Variants in WSB1 observed in about 807,000 individuals in gnomAD.
WSB1 encodes WD repeat and SOCS box containing 1, also known as WD repeat and SOCS box-containing protein 1.
In WSB1, 23 loss-of-function variants were observed where a neutral mutation model predicts 50.2. The ratio of observed to expected loss-of-function variants is 0.46; its 90% CI spans 0.33 to 0.65. WSB1 has a LOEUF of 0.65. WSB1 is among the 30% of genes least tolerant of loss of function. The pLI, the probability that WSB1 is intolerant of heterozygous loss-of-function variation, is 0.02. For missense variants in WSB1, 492 were observed against 522.3 expected (o/e 0.94, Z 0.56); for synonymous variants, 179 against 172.0 (o/e 1.04, Z -0.32).
Position 27,294,349 on chromosome 17 carries a change from G to C in WSB1, c.-47G>C. On this transcript the variant is annotated 5_prime_UTR_variant, in exon 1 of 9. Transcript: ENST00000262394. ...CTCAGCGGTCGCCACTCTCTTCTCT[G>C]TTGTTGGGTCCGCATCGTATTCCCG... is the stretch of plus-strand genomic sequence containing the variant. 6.2e-7 allele frequency: 1 copy of C among 1,610,688 alleles called. No homozygotes were observed. The highest frequency in any genetic ancestry group is 1.3e-5 in the African/African-American group (1 of 74,962).
At chr17:27,300,696 GT>G (rs561073047) in intron 1 of WSB1, among the ~76,000 whole-genome samples, 1,582 of 140,106 alleles carry the variant, frequency 0.011, 22 homozygotes, top group South Asian at 0.049. Context: ...GGTTTTTTTT[GT>G]TTTTTTTTTT....
rs753142513 is a variant in WSB1, at chr17:27,304,766, T to C, written c.479-14T>C. 6.2e-7 allele frequency: 1 copy of C among 1,607,996 alleles called. No individual in the cohort carries two copies. Among genetic ancestry groups the C allele is most frequent in the Non-Finnish European group, 8.5e-7 (1 of 1,177,820 alleles). On this transcript the variant is annotated splice_polypyrimidine_tract_variant and intron_variant, in intron 3 of 8. Transcript: ENST00000262394. ...TTAATACTGTCTTTTTTTTCCCTTTTCTATCATATTTAGGAAAACTCCTCC... is the reference window on the plus strand; with the variant it reads ...TTAATACTGTCTTTTTTTTCCCTTTCCTATCATATTTAGGAAAACTCCTCC...
In WSB1 at chr17:27,301,938, C is replaced by A; in HGVS notation, c.191C>A (p.Ser64Tyr). 1 of 1,587,584 alleles carries A rather than the reference C, an allele frequency of 6.3e-7. No individual in the cohort carries two copies. Among genetic ancestry groups the A allele is most frequent in the Non-Finnish European group, 8.5e-7 (1 of 1,170,460 alleles). Reference sequence around the variant, plus strand: ...CGCACAGTAAAGCTTGTTCCGTGGTCCCAGTGCCTTCAGAACTTGTAAGAC... The same window carrying A: ...CGCACAGTAAAGCTTGTTCCGTGGTACCAGTGCCTTCAGAACTTGTAAGAC... ...GHRTVKLVPW[S>Y]QCLQNFLLHG... Residue 64 changes from serine (S) to tyrosine (Y), a missense_variant, in exon 2 of 9, where the codon TCC becomes TAC. Transcript: ENST00000262394.
chr17:27,308,554 A>T (rs2017549127), intron 5 of WSB1: 1 of 985,846 alleles, frequency 1.0e-6, no homozygotes, highest in African/African-American at 1.7e-5. Flanking sequence ...AAGAAATTTC[A>T]TTTGGCTGTG....
chr17:27,301,840 G>A lies in WSB1; in HGVS notation c.93G>A (p.Lys31=). 1 of 1,614,096 alleles carries A rather than the reference G, an allele frequency of 6.2e-7. No homozygotes were observed. The highest frequency in any genetic ancestry group is 8.5e-7 in the Non-Finnish European group (1 of 1,180,016). The part of the protein sequence containing the change: ...ELLAPAAPFD[K]KCGRENWTVA... ...TAGCTCCTGCAGCTCCTTTTGACAA[G>A]AAATGTGGTCGTGAAAATTGGACTG... Residue 31 remains lysine (K), a synonymous_variant, in exon 2 of 9, where the codon AAG becomes AAA. Coordinates refer to ENST00000262394, the MANE Select transcript of WSB1 (RefSeq NM_015626.10).
At chr17:27,305,951 A>G (rs1245990400) in intron 4 of WSB1, among the ~76,000 whole-genome samples, 3 of 152,172 alleles carry the variant, frequency 2.0e-5, no homozygotes, top group Non-Finnish European at 2.9e-5. Flanking sequence ...ATTTCCAGTT[A>G]TATCCTCAGT....
rs2017813806 is a variant in WSB1 at position 27,315,545 on chromosome 17, T to TGAGGCAGTGGCA, written c.*3184_*3195dup. 6.6e-6 allele frequency: 1 copy of TGAGGCAGTGGCA among 152,192 alleles called. No homozygotes were observed. The highest frequency in any genetic ancestry group is 2.4e-5 in the African/African-American group (1 of 41,418). The allele number at this position is 152,192 out of a possible 1,614,324, so 9.4% of individuals were successfully genotyped here. A position where few individuals can be genotyped will look rare whatever the true frequency, so the allele number is the denominator to read the frequency against. On this transcript the variant is annotated 3_prime_UTR_variant, in exon 9 of 9. Coordinates refer to ENST00000262394, the MANE Select transcript of WSB1 (RefSeq NM_015626.10). ...ACTGCACTGTAGCATGCTTATGGGT[T>TGAGGCAGTGGCA]GAGGCAGTGGCAGAGGCAGAGGACT...
rs2017792193 is a variant in WSB1, at chr17:27,314,467, T to A, written c.*2098T>A. Reference sequence around the variant, plus strand: ...GGTGGGTTCCTGTACTCCTAGCTACTTAGGAGGCTGAGGCAAGAGAATTGC... The same window carrying A: ...GGTGGGTTCCTGTACTCCTAGCTACATAGGAGGCTGAGGCAAGAGAATTGC... On this transcript the variant is annotated 3_prime_UTR_variant, in exon 9 of 9. Coordinates refer to ENST00000262394, the MANE Select transcript of WSB1 (RefSeq NM_015626.10). 2 of 151,804 alleles carry A rather than the reference T, an allele frequency of 1.3e-5. No homozygotes were observed. Among genetic ancestry groups the A allele is most frequent in the Admixed American group, 6.6e-5 (1 of 15,242 alleles). 9.4% of individuals were successfully genotyped at this position (151,804 alleles called of 1,614,324 possible).
chr17:27,307,952 T>C, intron 5 of WSB1: 1 of 1,250,124 alleles, frequency 8.0e-7, no homozygotes, highest in Non-Finnish European at 1.0e-6. Flanking sequence ...TGCTTTTCTT[T>C]CTTTCTTTTT....
chr17:27,297,522 C>T (rs1197068209), intron 1 of WSB1, among the ~76,000 whole-genome samples: 2 of 151,612 alleles, frequency 1.3e-5, no homozygotes, highest in Non-Finnish European at 2.9e-5. Context: ...AGCTGGAGTG[C>T]GGTTGTGAAA....
At position 27,297,874 on chromosome 17, in the gene WSB1, G is replaced by A. The variant is rs568469534; in HGVS notation, c.40+3439G>A. On this transcript the variant is annotated intron_variant, in intron 1 of 8. Coordinates refer to ENST00000262394, the MANE Select transcript of WSB1 (RefSeq NM_015626.10). The stretch of plus-strand genomic sequence containing the variant: ...TGTAATCCCAGCACTTTGGGAGGCC[G>A]AGGTGGGCAGATCACCTGAGGTCAG... Among the ~76,000 whole-genome samples, 278 of 152,146 alleles carry A rather than the reference G, an allele frequency of 1.8e-3. 1 individual carries two copies. The highest frequency in any genetic ancestry group is 6.4e-3 in the African/African-American group (265 of 41,514).
chr17:27,306,202 CTTTTTTTTTTTTTTT>C (rs907711059), intron 4 of WSB1, among the ~76,000 whole-genome samples: 2 of 63,148 alleles, frequency 3.2e-5, no homozygotes, highest in African/African-American at 6.2e-5. Context: ...AGAATTCTGT[CTTTTTTTTTTTTTTT>C]TTTTTTTTTT....
At chr17:27,295,766 C>CT (rs1015481026) in intron 1 of WSB1, among the ~76,000 whole-genome samples, 6 of 151,004 alleles carry the variant, frequency 4.0e-5, no homozygotes, top group Non-Finnish European at 8.8e-5. Context: ...AGTGATCTGC[C>CT]TTTTTTTTAA....
At chr17:27,300,764 A>G (rs999177862) in intron 1 of WSB1, among the ~76,000 whole-genome samples, 2 of 151,104 alleles carry the variant, frequency 1.3e-5, no homozygotes, top group African/African-American at 4.9e-5. Flanking sequence ...GTCTTGGCTC[A>G]CTGCAGTCTC....
chr17:27,305,839 C>T (rs1163413029), intron 4 of WSB1, among the ~76,000 whole-genome samples: 2 of 152,168 alleles, frequency 1.3e-5, no homozygotes, highest in African/African-American at 2.4e-5. Flanking sequence ...TTTTGCATAT[C>T]GAATGATGCT....
intron 1 of WSB1, among the ~76,000 whole-genome samples, chr17:27,300,630 C>G (rs1189271678): frequency 6.6e-6 from 1 of 151,540 alleles, no homozygotes; most frequent in African/African-American, 2.4e-5. Context: ...AGTTTGAGGC[C>G]TATTAGGAAG....
At chr17:27,296,458 CT>C (rs2016986525) in intron 1 of WSB1, among the ~76,000 whole-genome samples, 1 of 152,046 alleles carries the variant, frequency 6.6e-6, no homozygotes, top group Non-Finnish European at 1.5e-5. Context: ...TAAGGATTTA[CT>C]TTTTTTCTTT....
chr17:27,307,537 C>T (rs952513253), intron 5 of WSB1: 9 of 571,668 alleles, frequency 1.6e-5, no homozygotes, highest in African/African-American at 3.8e-5. Context: ...TTACAATACA[C>T]TTTGAATTAA....
At chr17:27,306,943 C>T (rs1199661274) in intron 5 of WSB1, 61 bp downstream of exon 5, 1 of 1,502,898 alleles carries the variant, frequency 6.7e-7, no homozygotes, top group Non-Finnish European at 9.2e-7. Flanking sequence ...TGTGCATAAT[C>T]ATTTTAAATC....
Sources: allele counts gnomAD v4.1 joint callset (sites outside exome capture counted in the v4.1 genomes callset), GRCh38; gene constraint gnomAD v4.1.1; transcripts MANE v1.5; gene names NCBI Gene and HGNC (gene_info 2026-07-23, HGNC 2026-07-21).